Variants in GLIS1 observed in about 807,000 individuals in gnomAD.
The protein encoded by GLIS1 is zinc finger protein GLIS1.
In GLIS1, 24 loss-of-function variants were observed where a neutral mutation model predicts 63.8. The ratio of observed to expected loss-of-function variants is 0.38; its 90% confidence interval spans 0.27 to 0.53. GLIS1 has a LOEUF of 0.53. GLIS1 is among the 20% of genes least tolerant of loss of function. The pLI is 0.85. For missense variants in GLIS1, 1,036 were observed against 1,074.1 expected (o/e 0.96, Z 0.50); for synonymous variants, 450 against 482.5 (o/e 0.93, Z 0.88).
chr1:53,719,183 G>A (rs941256463), intron 2 of GLIS1, among the ~76,000 whole-genome samples: 8 of 152,212 alleles, frequency 5.3e-5, no homozygotes, highest in Admixed American at 5.2e-4. Context: ...TCCTCATTCT[G>A]CCACGAAGCA....
chr1:53,591,347 G>A (rs1330046454), intron 4 of GLIS1, among the ~76,000 whole-genome samples: 1 of 152,152 alleles, frequency 6.6e-6, no homozygotes, highest in East Asian at 1.9e-4. Flanking sequence ...AGCCTCCGAA[G>A]CCCAGATCAC....
intron 2 of GLIS1, among the ~76,000 whole-genome samples, chr1:53,720,004 C>T (rs938934387): frequency 2.0e-5 from 3 of 151,960 alleles, no homozygotes; most frequent in African/African-American, 4.8e-5. Flanking sequence ...GGTGAAACCC[C>T]GTCTCTACTA....
chr1:53,541,172 C>T (rs1644639384), intron 4 of GLIS1, among the ~76,000 whole-genome samples: 1 of 152,160 alleles, frequency 6.6e-6, no homozygotes, highest in African/African-American at 2.4e-5. Flanking sequence ...ATAAGCTCTA[C>T]CGGGAGAAAT....
At chr1:53,555,487 G>A (rs1168098811) in intron 4 of GLIS1, among the ~76,000 whole-genome samples, 3 of 152,054 alleles carry the variant, frequency 2.0e-5, no homozygotes, top group South Asian at 2.1e-4. Flanking sequence ...CCAAGATCGC[G>A]CCACTACACT....
chr1:53,712,084 A>G (rs1646653068), intron 2 of GLIS1, among the ~76,000 whole-genome samples: 2 of 152,144 alleles, frequency 1.3e-5, no homozygotes, highest in South Asian at 4.1e-4. Flanking sequence ...ACTTTCAGCC[A>G]CTGTTTGATT....
chr1:53,538,758 C>G (rs1317681158), intron 4 of GLIS1, among the ~76,000 whole-genome samples: 1 of 152,104 alleles, frequency 6.6e-6, no homozygotes, highest in Non-Finnish European at 1.5e-5. Context: ...CTGCAGACAC[C>G]CTGACCCTTC....
chr1:53,721,239 C>A (rs1284020722), intron 2 of GLIS1, among the ~76,000 whole-genome samples: 2 of 152,040 alleles, frequency 1.3e-5, no homozygotes, highest in African/African-American at 4.8e-5. Context: ...GAGCAGAAAT[C>A]TTATTTAGGG....
rs533723179 is a variant in GLIS1, at chr1:53,690,967, G to A, written c.259+46839C>T. Among the ~76,000 whole-genome samples the A allele has an allele frequency of 2.3e-3, 352 of 152,310 alleles. 2 individuals are homozygous for A. The highest frequency in any genetic ancestry group is 8.2e-3 in the African/African-American group (340 of 41,540). ...CTGAAGCACAGGTAATCTTCCTGAC[G>A]TTGTCCAGCTAGCAGTGAAGGAGCA... On this transcript the variant is annotated intron_variant, in intron 2 of 10. Coordinates refer to ENST00000628545, the MANE Select transcript of GLIS1 (RefSeq NM_001367484.1).
chr1:53,509,778 T>C (rs1228055299), intron 9 of GLIS1, 71 bp downstream of exon 9: 3 of 959,292 alleles, frequency 3.1e-6, no homozygotes, highest in Middle Eastern at 3.7e-4. Context: ...GGTCACTGTC[T>C]CCTCGTTCCT....
At chr1:53,736,618 G>A (rs886131447) in intron 2 of GLIS1, among the ~76,000 whole-genome samples, 59 of 152,232 alleles carry the variant, frequency 3.9e-4, no homozygotes, top group African/African-American at 1.4e-3. Flanking sequence ...CACTGTATCT[G>A]TCCTTCTAAA....
chr1:53,736,303 C>A (rs578195723), intron 2 of GLIS1, among the ~76,000 whole-genome samples: 2 of 152,176 alleles, frequency 1.3e-5, no homozygotes, highest in Non-Finnish European at 2.9e-5. Flanking sequence ...GTAGGAAGAT[C>A]GTACACAAAG....
chr1:53,634,615 A>C (rs1221009887), intron 2 of GLIS1, among the ~76,000 whole-genome samples: 1 of 152,144 alleles, frequency 6.6e-6, no homozygotes, highest in African/African-American at 2.4e-5. Flanking sequence ...GAGAGAAACG[A>C]GACATTGGGC....
chr1:53,557,590 G>A (rs963410265), intron 4 of GLIS1, among the ~76,000 whole-genome samples: 2 of 152,160 alleles, frequency 1.3e-5, no homozygotes, highest in African/African-American at 4.8e-5. Context: ...GAGGCCGGCT[G>A]GGGAAGAGCC....
At chr1:53,696,467 C>T (rs1029708590) in intron 2 of GLIS1, among the ~76,000 whole-genome samples, 7 of 152,184 alleles carry the variant, frequency 4.6e-5, no homozygotes, top group African/African-American at 1.7e-4. Flanking sequence ...CGACCCAGAC[C>T]CATCTGAAAG....
chr1:53,686,019 T>C (rs1452892856), intron 2 of GLIS1, among the ~76,000 whole-genome samples: 2 of 152,018 alleles, frequency 1.3e-5, no homozygotes, highest in African/African-American at 2.4e-5. Context: ...TCTAGTTTCA[T>C]CTCCCTGTCA....
intron 2 of GLIS1, among the ~76,000 whole-genome samples, chr1:53,731,502 T>C (rs1646860898): frequency 6.6e-6 from 1 of 152,242 alleles, no homozygotes; most frequent in Non-Finnish European, 1.5e-5. Context: ...TTTAAGAAGC[T>C]GGTCCTGGAG....
chr1:53,680,978 G>A (rs181030543), intron 2 of GLIS1, among the ~76,000 whole-genome samples: 5 of 152,314 alleles, frequency 3.3e-5, no homozygotes, highest in East Asian at 1.9e-4. Context: ...CTGAGCAGAC[G>A]CTGGCCAGAT....
At chr1:53,675,769 G>A (rs948951224) in intron 2 of GLIS1, among the ~76,000 whole-genome samples, 3 of 152,090 alleles carry the variant, frequency 2.0e-5, no homozygotes, top group African/African-American at 7.2e-5. Flanking sequence ...GTCCGGACTC[G>A]AACACAGGTC....
In GLIS1 at chr1:53,594,650, C is replaced by T. The variant is rs144490309; in HGVS notation, c.778G>A (p.Asp260Asn). 34 of 1,556,618 alleles carry T rather than the reference C, an allele frequency of 2.2e-5. No homozygotes were observed. Among genetic ancestry groups the T allele is most frequent in the East Asian group, 1.1e-4 (5 of 44,176 alleles). ...GAGGAGCGGATGATGGAGGTGACGT[C>T]GGAGGAGGCACAGGGTGAGGAGGAG... ...PASSSPCASS[D>N]VTSIIRSSQT... The change falls in exon 4 of 11, where the codon GAC becomes AAC. Residue 260 changes from aspartate (D) to asparagine (N), a missense_variant. Physicochemically the swap from Asp to Asn is conservative, Grantham distance 23. Transcript: ENST00000628545.
Sources: allele counts gnomAD v4.1 joint callset (sites outside exome capture counted in the v4.1 genomes callset), GRCh38; gene constraint gnomAD v4.1.1; transcripts MANE v1.5; gene names NCBI Gene and HGNC (gene_info 2026-07-23, HGNC 2026-07-21).